Variants in NEB observed in about 807,000 individuals in gnomAD.
NEB encodes nebulin, also known as nemaline myopathy type 2.
A neutral mutation model predicts 952.2 loss-of-function variants in NEB; 512 were observed. The ratio of observed to expected loss-of-function variants is 0.54; its 90% CI spans 0.50 to 0.58. The LOEUF is 0.58. Among genes scored for constraint, NEB ranks in the 20% least tolerant of loss-of-function variants. The pLI, the probability that NEB is intolerant of heterozygous loss-of-function variation, is 0.00. For synonymous variants in NEB, 2,900 were observed against 3,149.8 expected (o/e 0.92, Z 2.66); for missense variants, 8,428 against 9,231.1 (o/e 0.91, Z 3.56).
rs1029519071 is a variant in NEB, at chr2:151,581,492, C to A, written c.16275G>T (p.Gln5425His). 1 of 932,340 alleles carries A rather than the reference C, an allele frequency of 1.1e-6. No individual in the cohort carries two copies. The highest frequency in any genetic ancestry group is 1.6e-6 in the Non-Finnish European group (1 of 631,908). The allele number at this position is 932,340 out of a possible 1,614,324, so 57.8% of individuals were successfully genotyped here. Residue 5425 changes from glutamine to histidine, a missense_variant, in exon 103 of 182, where the codon CAG becomes CAT. Transcript: ENST00000397345. ...LMLQSKINAL[Q>H]ISNKRYQQAW... ...ATGTGTGCTGTCTTACATTGCTGATCTGCAGGGCATTGATTTTGGATTGCA... is the reference window on the plus strand; with the variant it reads ...ATGTGTGCTGTCTTACATTGCTGATATGCAGGGCATTGATTTTGGATTGCA...
intron 50 of NEB, 126 bp downstream of exon 50, chr2:151,655,691 A>G: frequency 1.1e-6 from 1 of 937,024 alleles, no homozygotes; most frequent in Non-Finnish European, 1.6e-6. Context: ...GTGTAGGGGA[A>G]TGATCTGGAA....
chr2:151,527,512 T>G lies in NEB; in HGVS notation c.21809A>C (p.Gln7270Pro), dbSNP rs1243354186. The change falls in exon 147 of 182, where the codon CAG becomes CCG. Residue 7270 changes from glutamine to proline, a missense_variant. This residue lies in a region of NEB where 3,374 missense variants were observed against 3,651.5 expected (regional missense o/e 0.92). Coordinates refer to ENST00000397345, the MANE Select transcript of NEB (RefSeq NM_001164508.2). ...KWTPDRPDFL[Q>P]AAKSSLQQSD... ...TTGCTGCAGGGATGACTTGGCAGCC[T>G]GGAGGAAGTCCGGTCGGTCAGGAGT... 2 of 1,613,348 alleles carry G rather than the reference T, an allele frequency of 1.2e-6. No homozygotes were observed. Among genetic ancestry groups the G allele is most frequent in the African/African-American group, 2.7e-5 (2 of 74,932 alleles).
At chr2:151,706,788 G>T in intron 13 of NEB, 93 bp downstream of exon 13, 3 of 888,118 alleles carry the variant, frequency 3.4e-6, no homozygotes, top group Non-Finnish European at 5.3e-6. Flanking sequence ...TAATGTATTT[G>T]CAAAGTTATA....
chr2:151,539,930 A>T (rs913961874), intron 138 of NEB, among the ~76,000 whole-genome samples: 119 of 152,314 alleles, frequency 7.8e-4, no homozygotes, highest in African/African-American at 2.8e-3. Flanking sequence ...TCTCATTATC[A>T]TTCCACATAT....
intron 32 of NEB, 39 bp downstream of exon 32, chr2:151,679,682 A>T: frequency 2.2e-5 from 10 of 458,230 alleles, no homozygotes; most frequent in Non-Finnish European, 3.0e-5. Context: ...ACCCACCCAC[A>T]TTTTCTAGTT....
chr2:151,617,455 T>C lies in NEB; in HGVS notation c.11090A>G (p.Glu3697Gly). The change falls in exon 75 of 182, where the codon GAA (glutamate) becomes GGA (glycine). Residue 3697 changes from glutamate to glycine, a missense_variant. Around this residue, in one of 11 missense-constraint regions of NEB, gnomAD observed 1,772 missense variants for 1,960.3 expected, o/e 0.90. Transcript: ENST00000397345. The stretch of plus-strand genomic sequence containing the variant: ...AGTTTTCTTGTCATTGTCCCAGGCT[T>C]CAGTATATAAGCGCTACAAAAAAAA... ...ALNMNKRLYT[E>G]AWDNDKKTIH... 6.5e-7 allele frequency: 1 copy of C among 1,526,826 alleles called. No individual in the cohort carries two copies. The highest frequency in any genetic ancestry group is 1.2e-5 in the South Asian group (1 of 82,732). 94.6% of individuals were successfully genotyped at this position (1,526,826 alleles called of 1,614,324 possible).
chr2:151,672,536 T>C lies in NEB; in HGVS notation c.4132A>G (p.Lys1378Glu). The change falls in exon 37 of 182, where the codon AAA (lysine) becomes GAA (glutamate). Residue 1378 changes from lysine (K) to glutamate (E), a missense_variant. Physicochemically the swap from Lys to Glu is moderately conservative, Grantham distance 56. Around this residue, in one of 11 missense-constraint regions of NEB, gnomAD observed 2,851 missense variants for 2,791.5 expected, o/e 1.02. Transcript: ENST00000397345. ...TCCCCAGGGGTATGGTAGCTGGTTT[T>C]GGTGTTCTCATAGTTCTTCTTGTAT... ...REYKKNYENT[K>E]TSYHTPGDMV... is the part of the protein sequence containing the mutation. The C allele has an allele frequency of 2.5e-6, 4 of 1,614,038 alleles. No homozygotes were observed. Among genetic ancestry groups the C allele is most frequent in the Non-Finnish European group, 3.4e-6 (4 of 1,179,902 alleles).
chr2:151,488,034 T>C (rs1181921827), intron 181 of NEB, among the ~76,000 whole-genome samples: 1 of 152,188 alleles, frequency 6.6e-6, no homozygotes, highest in Non-Finnish European at 1.5e-5. Flanking sequence ...CACTTTTATT[T>C]TTATATTCCT....
At chr2:151,546,661 C>T (rs547036219) in intron 133 of NEB, among the ~76,000 whole-genome samples, 3 of 150,926 alleles carry the variant, frequency 2.0e-5, no homozygotes, top group African/African-American at 7.3e-5. Context: ...CGAGTTCAAG[C>T]GATTCTCCTG....
chr2:151,510,807 G>A (rs534467862), intron 161 of NEB, among the ~76,000 whole-genome samples: 8 of 152,256 alleles, frequency 5.3e-5, no homozygotes, highest in Admixed American at 1.3e-4. Context: ...TATCCCCCTC[G>A]GATAAGAGGA....
chr2:151,619,928 C>T (rs532241403), intron 72 of NEB, among the ~76,000 whole-genome samples, 166 bp from the exon 73 acceptor site: 1 of 152,220 alleles, frequency 6.6e-6, no homozygotes, highest in East Asian at 1.9e-4. Flanking sequence ...GGCACATGTC[C>T]ACAGAATAAC....
At chr2:151,636,842 T>A (rs1055977485) in intron 63 of NEB, among the ~76,000 whole-genome samples, 12 of 152,308 alleles carry the variant, frequency 7.9e-5, no homozygotes, top group African/African-American at 2.9e-4. Flanking sequence ...CTTTATTTTT[T>A]ACTTTAAAAA....
rs752660824 is a variant in NEB at position 151,727,857 on chromosome 2, T to G, written c.128A>C (p.Glu43Ala). Residue 43 changes from glutamate to alanine, a missense_variant, in exon 5 of 182, where the codon GAG (glutamate) becomes GCG (alanine). Around this residue, in one of 11 missense-constraint regions of NEB, gnomAD observed 2,851 missense variants for 2,791.5 expected, o/e 1.02. Coordinates refer to ENST00000397345, the MANE Select transcript of NEB (RefSeq NM_001164508.2). ...ETTTTRTSDY[E>A]QSETSKPALA... ...AGCTGGTTTGGAAGTTTCTGATTGCTCATAGTCAGATGTCCTTGTTGTCGT... is the reference window on the plus strand; with the variant it reads ...AGCTGGTTTGGAAGTTTCTGATTGCGCATAGTCAGATGTCCTTGTTGTCGT... 1 of 1,613,144 alleles carries G rather than the reference T, an allele frequency of 6.2e-7. No homozygotes were observed. Among genetic ancestry groups the G allele is most frequent in the Admixed American group, 1.7e-5 (1 of 59,922 alleles).
intron 105 of NEB, among the ~76,000 whole-genome samples, chr2:151,577,513 T>A (rs2096917191): frequency 2.0e-5 from 3 of 152,222 alleles, no homozygotes; most frequent in Non-Finnish European, 4.4e-5. Context: ...AGCCATTCCA[T>A]TTTTATTCTT....
At chr2:151,538,383 C>A (rs2093544198) in intron 138 of NEB, 139 bp from the exon 139 acceptor site, 1 of 637,484 alleles carries the variant, frequency 1.6e-6, no homozygotes, top group South Asian at 2.0e-5. Context: ...TTATTTCAGA[C>A]CCTAGAAGAG....
Position 151,663,852 on chromosome 2 carries a change from T to C in NEB, c.5459A>G (p.Tyr1820Cys). Residue 1820 changes from tyrosine to cysteine, a missense_variant, in exon 45 of 182, where the codon TAC becomes TGC. By Grantham distance (194) the Tyr-to-Cys change is radical (BLOSUM62 -2). This residue lies in a region of NEB where 2,851 missense variants were observed against 2,791.5 expected (regional missense o/e 1.02). Coordinates refer to ENST00000397345, the MANE Select transcript of NEB (RefSeq NM_001164508.2). ...TTTGGCTTGTTCATAGGCTTTCTTGTATTTGTACTGTGGACAGAGAAGAAA... is the reference window on the plus strand; with the variant it reads ...TTTGGCTTGTTCATAGGCTTTCTTGCATTTGTACTGTGGACAGAGAAGAAA... ...ASRDIASDYK[Y>C]KKAYEQAKGK... 1 of 1,613,038 alleles carries C rather than the reference T, an allele frequency of 6.2e-7. No individual in the cohort carries two copies. Among genetic ancestry groups the C allele is most frequent in the African/African-American group, 1.3e-5 (1 of 74,958 alleles).
At chr2:151,675,155 T>C (rs779155767) in intron 35 of NEB, 132 bp downstream of exon 35, 169 of 727,726 alleles carry the variant, frequency 2.3e-4, no homozygotes, top group Middle Eastern at 4.6e-4. Context: ...GAACCATCCT[T>C]ATGGGATATG....
chr2:151,687,514 A>G lies in NEB; in HGVS notation c.2542T>C (p.Tyr848His), dbSNP rs774798098. Residue 848 changes from tyrosine to histidine, a missense_variant, in exon 27 of 182, where the codon TAT becomes CAT. This residue lies in a region of NEB where 2,851 missense variants were observed against 2,791.5 expected (regional missense o/e 1.02). Coordinates refer to ENST00000397345, the MANE Select transcript of NEB (RefSeq NM_001164508.2). ...NTSDVMYKKD[Y>H]EKSKGKMIGA... ...ATCATTTTCCCTTTGCTCTTTTCAT[A>G]GTCTTTCTTGTACATCACCTGCAAA... The G allele has an allele frequency of 3.1e-6, 5 of 1,613,828 alleles. No individual in the cohort carries two copies. The Admixed American group carries it at 8.3e-5, about 27-fold the overall frequency.
intron 19 of NEB, 33 bp from the exon 20 acceptor site, chr2:151,694,469 C>T: frequency 6.2e-7 from 1 of 1,613,014 alleles, no homozygotes; most frequent in Non-Finnish European, 8.5e-7. Flanking sequence ...AGATTCCACT[C>T]AAGAGGAAAT....
Sources: gnomAD v4.1 joint callset for allele counts (sites outside exome capture counted in the v4.1 genomes callset) on GRCh38, gnomAD v4.1.1 for gene constraint, gnomAD v4.1.1 regional missense constraint, MANE v1.5 for transcripts, NCBI Gene and HGNC (gene_info 2026-07-23, HGNC 2026-07-21) for gene names.